The following ORC5 variants were observed in gnomAD, a reference collection of about 807,000 sequenced individuals.
ORC5 encodes protein phosphatase 1, regulatory subunit 117.
In ORC5, 39 loss-of-function variants were observed where a neutral mutation model predicts 58.8. That is an observed-to-expected ratio of 0.66 (90% confidence interval 0.51 to 0.87). ORC5 has a LOEUF of 0.87. Ranked by LOEUF, ORC5 falls within the 40% of genes least tolerant of loss-of-function variation. ORC5 has a pLI of 0.00. For missense variants in ORC5, 493 were observed against 506.3 expected (o/e 0.97, Z 0.25); for synonymous variants, 218 against 177.6 (o/e 1.23, Z -1.81).
At chr7:104,163,233 TCA>T (rs1799052382) in intron 11 of ORC5, among the ~76,000 whole-genome samples, 1 of 152,198 alleles carries the variant, frequency 6.6e-6, no homozygotes, top group Admixed American at 6.5e-5. Context: ...ACTACATTTC[TCA>T]GTCTCTCCTG....
intron 12 of ORC5, among the ~76,000 whole-genome samples, chr7:104,142,893 T>C (rs1197781497): frequency 6.6e-6 from 1 of 152,144 alleles, no homozygotes; most frequent in African/African-American, 2.4e-5. Flanking sequence ...GGAGAGTAAG[T>C]ACTGCTAAAA....
intron 12 of ORC5, among the ~76,000 whole-genome samples, chr7:104,153,646 A>C (rs1470368156): frequency 6.6e-6 from 1 of 152,196 alleles, no homozygotes; most frequent in African/African-American, 2.4e-5. Context: ...TGAAATGCAG[A>C]GAAATTGCAA....
chr7:104,158,550 T>C (rs1798967789), intron 12 of ORC5, among the ~76,000 whole-genome samples: 1 of 151,672 alleles, frequency 6.6e-6, no homozygotes, highest in African/African-American at 2.4e-5. Flanking sequence ...ACCTACAAAA[T>C]GGGAGAAAAT....
Position 104,126,909 on chromosome 7 carries a change from G to A in ORC5, c.1263-16C>T, listed in dbSNP as rs1562799497. The A allele has an allele frequency of 1.9e-6, 3 of 1,574,516 alleles. No individual in the cohort carries two copies. Among genetic ancestry groups the A allele is most frequent in the East Asian group, 2.2e-5 (1 of 44,484 alleles). On this transcript the variant is annotated splice_polypyrimidine_tract_variant and intron_variant, in intron 13 of 13. Coordinates refer to ENST00000297431, the MANE Select transcript of ORC5 (RefSeq NM_002553.4). ...GTTCACCGTCCTAAAAACAAAAACAGATAATATGTTAGCATTCTCACCCCT... is the reference window on the plus strand; with the variant it reads ...GTTCACCGTCCTAAAAACAAAAACAAATAATATGTTAGCATTCTCACCCCT...
intron 2 of ORC5, among the ~76,000 whole-genome samples, chr7:104,203,384 T>G (rs574321415): frequency 1.3e-5 from 2 of 152,288 alleles, no homozygotes; most frequent in South Asian, 2.1e-4. Context: ...AACTACGTGG[T>G]CCACAAGCAC....
chr7:104,126,867 T>G lies in ORC5; in HGVS notation c.1289A>C (p.Tyr430Ser). ...TTGTTTTCACAAGAAATCATACAAG[T>G]ATTTTATTATGTCAAAGTTCACCGT... ...ARTVNFDIIK[Y>S]LYDFL Residue 430 changes from tyrosine (Y) to serine (S), a missense_variant, in exon 14 of 14, where the codon TAC (tyrosine) becomes TCC (serine). Tyr to Ser is a moderately radical substitution (Grantham distance 144). Coordinates refer to ENST00000297431, the MANE Select transcript of ORC5 (RefSeq NM_002553.4). The G allele has an allele frequency of 6.2e-7, 1 of 1,607,936 alleles. No homozygotes were observed. Among genetic ancestry groups the G allele is most frequent in the Non-Finnish European group, 8.5e-7 (1 of 1,175,680 alleles).
At chr7:104,194,251 A>C (rs1256446448) in intron 5 of ORC5, among the ~76,000 whole-genome samples, 2 of 152,076 alleles carry the variant, frequency 1.3e-5, no homozygotes, top group African/African-American at 2.4e-5. Flanking sequence ...TGGCTATGAC[A>C]GAAGGTGTTA....
chr7:104,170,058 T>C (rs140248100), intron 8 of ORC5, among the ~76,000 whole-genome samples: 26 of 152,350 alleles, frequency 1.7e-4, no homozygotes, highest in African/African-American at 6.3e-4. Context: ...CTAGCCTTGA[T>C]AGTTCAATGA....
At chr7:104,197,679 C>A in intron 4 of ORC5, 46 bp downstream of exon 4, 1 of 1,239,416 alleles carries the variant, frequency 8.1e-7, no homozygotes, top group South Asian at 1.4e-5. Flanking sequence ...ACAACACAAT[C>A]CATTGATTAA....
At chr7:104,135,173 C>T (rs1798570270) in intron 13 of ORC5, among the ~76,000 whole-genome samples, 1 of 152,156 alleles carries the variant, frequency 6.6e-6, no homozygotes, top group African/African-American at 2.4e-5. Flanking sequence ...CACAACCTAA[C>T]ATATTCAGAG....
intron 12 of ORC5, among the ~76,000 whole-genome samples, chr7:104,149,806 A>C (rs1221501234): frequency 6.6e-6 from 1 of 152,196 alleles, no homozygotes; most frequent in Non-Finnish European, 1.5e-5. Flanking sequence ...TCTGACTCAA[A>C]AGCCACAGTA....
In ORC5 at chr7:104,207,921, G is replaced by A. The variant is rs768908717; in HGVS notation, c.-17C>T. On this transcript the variant is annotated 5_prime_UTR_variant, in exon 1 of 14. Coordinates refer to ENST00000297431, the MANE Select transcript of ORC5 (RefSeq NM_002553.4). ...GTGGGGCATTCTGGCAGGCACCACC[G>A]CAGAGGCCAGTGCAGCCAGCCCACA... 4 of 1,557,566 alleles carry A rather than the reference G, an allele frequency of 2.6e-6. No homozygotes were observed. The highest frequency in any genetic ancestry group is 2.2e-5 in the South Asian group (2 of 90,016).
At chr7:104,165,425 A>G (rs1799091347) in intron 10 of ORC5, 143 bp from the exon 11 acceptor site, 2 of 570,220 alleles carry the variant, frequency 3.5e-6, no homozygotes, top group Non-Finnish European at 6.2e-6. Flanking sequence ...ATCACCTTGT[A>G]TATATATTAG....
chr7:104,138,169 G>C lies in ORC5; in HGVS notation c.1150-1276C>G, dbSNP rs1421849687. 6.6e-6 allele frequency among the ~76,000 whole-genome samples: 1 copy of C among 152,146 alleles called. No homozygotes were observed. The highest frequency in any genetic ancestry group is 1.5e-5 in the Non-Finnish European group (1 of 68,024). On this transcript the variant is annotated intron_variant, in intron 12 of 13. Coordinates refer to ENST00000297431, the MANE Select transcript of ORC5 (RefSeq NM_002553.4). This position sits in a 1 kb window ranked among gnomAD's most constrained non-coding sequence, Gnocchi z 4.7. The stretch of plus-strand genomic sequence containing the variant: ...CTTTTCCTGTTTCACTGGGATTACT[G>C]GTGTGAGTCACTGCACTCAGCCCAA...
At chr7:104,178,888 T>C (rs1445591955) in intron 8 of ORC5, among the ~76,000 whole-genome samples, 17 of 151,898 alleles carry the variant, frequency 1.1e-4, no homozygotes, top group Admixed American at 1.0e-3. Context: ...ATAAGATGTA[T>C]TTTTAATGAG....
chr7:104,162,650 A>T (rs78075528), intron 11 of ORC5, among the ~76,000 whole-genome samples: 2,253 of 152,336 alleles, frequency 0.015, 59 homozygotes, highest in African/African-American at 0.051. Flanking sequence ...TTTTGTCACT[A>T]AATACTTCAA....
chr7:104,176,489 G>A (rs182570791), intron 8 of ORC5, among the ~76,000 whole-genome samples: 4 of 152,154 alleles, frequency 2.6e-5, no homozygotes, highest in African/African-American at 9.6e-5. Flanking sequence ...GTTGGAATTT[G>A]GTTTCTTATT....
chr7:104,207,654 C>A (rs971813), intron 1 of ORC5, among the ~76,000 whole-genome samples, 179 bp downstream of exon 1: 7 of 151,646 alleles, frequency 4.6e-5, no homozygotes, highest in African/African-American at 7.3e-5. Context: ...ACTGTCTCCT[C>A]TTCAATATTC....
intron 8 of ORC5, among the ~76,000 whole-genome samples, chr7:104,176,273 G>C (rs73413894): frequency 0.057 from 8,649 of 152,196 alleles, 808 homozygotes; most frequent in African/African-American, 0.2. Context: ...AAAATAAACA[G>C]TAATTAAACC....
Sources: allele counts gnomAD v4.1 joint callset (sites outside exome capture counted in the v4.1 genomes callset), GRCh38; gene constraint gnomAD v4.1.1; non-coding constraint Gnocchi (gnomAD v3.1); transcripts MANE v1.5; gene names NCBI Gene and HGNC (gene_info 2026-07-23, HGNC 2026-07-21).